Variants in DCLK1 observed in about 807,000 individuals in gnomAD.
DCLK1 encodes the protein serine/threonine-protein kinase DCLK1.
A neutral mutation model predicts 86.2 loss-of-function variants in DCLK1; 16 were observed. That is an observed-to-expected ratio of 0.19 (90% confidence interval 0.13 to 0.28). The LOEUF (loss-of-function observed/expected upper bound fraction) is 0.28. Ranked by LOEUF, DCLK1 falls within the 10% of genes least tolerant of loss-of-function variation. The probability of loss-of-function intolerance (pLI) is 1.00; values close to 1 mark genes in which losing one functional copy is unlikely to be tolerated. For synonymous variants in DCLK1, 369 were observed against 370.5 expected, an observed-to-expected ratio of 1.00 and a Z score of 0.05; for missense variants, 590 against 940.2, an observed-to-expected ratio of 0.63 and a Z score of 4.87.
chr13:35,856,218 T>C (rs1289347024), intron 5 of DCLK1, among the ~76,000 whole-genome samples: 1 of 152,212 alleles, frequency 6.6e-6, no homozygotes, highest in African/African-American at 2.4e-5. Context: ...AAGCTGAGAA[T>C]GCTTTAATTT....
At chr13:35,984,581 G>A (rs932958873) in intron 3 of DCLK1, among the ~76,000 whole-genome samples, 4 of 152,174 alleles carry the variant, frequency 2.6e-5, no homozygotes, top group Non-Finnish European at 4.4e-5. Flanking sequence ...GCCTCTGCTC[G>A]CTAAAGTCTA....
intron 8 of DCLK1, among the ~76,000 whole-genome samples, chr13:35,833,666 A>G (rs1297829247): frequency 6.6e-6 from 1 of 152,232 alleles, no homozygotes; most frequent in African/African-American, 2.4e-5. Flanking sequence ...GAGGAGAGGC[A>G]TATTCACCCT....
At chr13:36,023,961 T>C (rs1881916333) in intron 3 of DCLK1, among the ~76,000 whole-genome samples, 1 of 139,714 alleles carries the variant, frequency 7.2e-6, no homozygotes, top group Non-Finnish European at 1.5e-5. Flanking sequence ...AGTGGTGGGA[T>C]CTCAGCTCAC....
chr13:35,914,329 AAAAATATAT>A (rs1165876424), intron 4 of DCLK1, among the ~76,000 whole-genome samples: 4 of 37,140 alleles, frequency 1.1e-4, no homozygotes, highest in African/African-American at 5.8e-4. Context: ...CAGAAAAAAA[AAAAATATAT>A]ATATATATAT....
intron 3 of DCLK1, among the ~76,000 whole-genome samples, chr13:36,087,429 C>T (rs1884648144): frequency 2.0e-5 from 3 of 152,154 alleles, no homozygotes; most frequent in African/African-American, 7.2e-5. Flanking sequence ...AGTCTGTGAT[C>T]TTTTCGCTTA....
At chr13:35,889,666 T>A (rs1430587291) in intron 4 of DCLK1, among the ~76,000 whole-genome samples, 1 of 152,204 alleles carries the variant, frequency 6.6e-6, no homozygotes, top group Non-Finnish European at 1.5e-5. Flanking sequence ...TGGTGATACA[T>A]CTTATTTTTA....
intron 5 of DCLK1, among the ~76,000 whole-genome samples, chr13:35,864,871 C>G (rs1871678863): frequency 6.6e-6 from 1 of 152,030 alleles, no homozygotes; most frequent in Admixed American, 6.5e-5. Flanking sequence ...AGGTTGGTCT[C>G]AAACTCCTGA....
chr13:36,088,728 A>C, intron 3 of DCLK1, among the ~76,000 whole-genome samples: 1 of 152,312 alleles, frequency 6.6e-6, no homozygotes, highest in South Asian at 2.1e-4. Flanking sequence ...TGGAACCTTA[A>C]CATTAGTGGT....
At chr13:35,891,349 A>G (rs2153119432) in intron 4 of DCLK1, among the ~76,000 whole-genome samples, 1 of 152,324 alleles carries the variant, frequency 6.6e-6, no homozygotes, top group African/African-American at 2.4e-5. Context: ...ATTTCCTTGT[A>G]AGAGTTATAA....
intron 5 of DCLK1, among the ~76,000 whole-genome samples, chr13:35,867,963 A>AAGAAAGAAAGAAAGAG (rs796441369): frequency 0.041 from 5,486 of 133,200 alleles, 212 homozygotes; most frequent in Admixed American, 0.059. Context: ...GAAAGAAAGA[A>AAGAAAGAAAGAAAGAG]AGAGAAAAAG....
chr13:35,951,468 C>T (rs1475082059), intron 3 of DCLK1, among the ~76,000 whole-genome samples: 2 of 149,966 alleles, frequency 1.3e-5, no homozygotes, highest in African/African-American at 2.5e-5. Context: ...TTTGCCTGTT[C>T]GAATCCCTCC....
At chr13:35,824,462 G>A (rs928053881) in intron 10 of DCLK1, among the ~76,000 whole-genome samples, 11 of 152,112 alleles carry the variant, frequency 7.2e-5, no homozygotes, top group Admixed American at 2.6e-4. Context: ...TTACATGCGT[G>A]AGCCACTGCG....
intron 3 of DCLK1, among the ~76,000 whole-genome samples, chr13:35,966,661 C>T (rs1002801496): frequency 1.0e-3 from 153 of 152,148 alleles, no homozygotes; most frequent in African/African-American, 3.4e-3. Context: ...CGCACCGCCA[C>T]GCCTGACTGG....
chr13:35,840,825 T>C (rs1371982068), intron 6 of DCLK1, among the ~76,000 whole-genome samples: 1 of 152,222 alleles, frequency 6.6e-6, no homozygotes, highest in Non-Finnish European at 1.5e-5. Context: ...CTGCTGACTT[T>C]TATGGATGGA....
intron 16 of DCLK1, among the ~76,000 whole-genome samples, chr13:35,784,404 G>A (rs1328495761): frequency 6.6e-6 from 1 of 152,162 alleles, no homozygotes; most frequent in African/African-American, 2.4e-5. Context: ...AAACCTCAGT[G>A]AGCAACCTGT....
At chr13:35,964,696 C>T (rs182297011) in intron 3 of DCLK1, among the ~76,000 whole-genome samples, 13 of 151,838 alleles carry the variant, frequency 8.6e-5, no homozygotes, top group East Asian at 3.9e-4. Context: ...ATGACTTCCA[C>T]GGGTTCCGTA....
intron 2 of DCLK1, among the ~76,000 whole-genome samples, chr13:36,121,574 G>A (rs1196745598): frequency 6.7e-6 from 1 of 150,212 alleles, no homozygotes; most frequent in Non-Finnish European, 1.5e-5. Context: ...TGTTATTGTT[G>A]TTAATTTCTT....
chr13:36,103,907 T>C (rs558985985), intron 3 of DCLK1, among the ~76,000 whole-genome samples: 1 of 152,378 alleles, frequency 6.6e-6, no homozygotes, highest in Admixed American at 6.5e-5. Flanking sequence ...GCTAAGGCAA[T>C]GTCAGGAAGG....
At chr13:36,083,820 G>A (rs1254267180) in intron 3 of DCLK1, among the ~76,000 whole-genome samples, 5 of 152,054 alleles carry the variant, frequency 3.3e-5, no homozygotes, top group Admixed American at 3.3e-4. Context: ...TTCTAAGCTA[G>A]GAAGAGAAAA....
Sources: allele counts gnomAD v4.1 joint callset (sites outside exome capture counted in the v4.1 genomes callset), GRCh38; gene constraint gnomAD v4.1.1; transcripts MANE v1.5; gene names NCBI Gene and HGNC (gene_info 2026-07-23, HGNC 2026-07-21).